EXD3: variants seen among roughly 807,000 people sequenced by gnomAD.
EXD3 encodes the protein exonuclease 3'-5' domain containing 3, also known as exonuclease mut-7 homolog.
EXD3 carries 92 observed loss-of-function variants against 98.0 expected under a neutral mutation model. The observed-to-expected ratio is 0.94, with a 90% CI of 0.79 to 1.12. The LOEUF (loss-of-function observed/expected upper bound fraction) is 1.12. Ranked by LOEUF, EXD3 falls within the 50% of genes most tolerant of loss-of-function variation. The pLI is 0.00. For synonymous variants in EXD3, 569 were observed against 526.0 expected (o/e 1.08, Z -1.12); for missense variants, 1,222 against 1,191.6 (o/e 1.03, Z -0.38).
chr9:137,366,416 C>T, intron 7 of EXD3, 77 bp downstream of exon 7: 1 of 1,518,522 alleles, frequency 6.6e-7, no homozygotes, highest in Non-Finnish European at 8.9e-7. Context: ...CGCCTGCTGC[C>T]CCCCTACACT....
In EXD3 at chr9:137,382,342, T is replaced by C. The variant is rs114236474; in HGVS notation, c.120+971A>G. On this transcript the variant is annotated intron_variant, in intron 3 of 21. Coordinates refer to ENST00000340951, the MANE Select transcript of EXD3 (RefSeq NM_017820.5). ...AGACGCCAGGACGAATGTCAGGACA[T>C]AGGGAGGAAAGGACAGTGGAATCCC... Among the ~76,000 whole-genome samples the C allele has an allele frequency of 8.6e-3, 1,228 of 142,436 alleles. 19 individuals are homozygous for C. Among genetic ancestry groups the C allele is most frequent in the African/African-American group, 0.029 (1,106 of 37,668 alleles). 93.4% of individuals were successfully genotyped at this position (142,436 alleles called of 152,430 possible).
intron 17 of EXD3, among the ~76,000 whole-genome samples, chr9:137,331,697 CTT>C (rs1374690713): frequency 2.0e-5 from 3 of 152,256 alleles, no homozygotes; most frequent in East Asian, 1.9e-4. Context: ...GGGTGGCTCA[CTT>C]GAGATCAGGA....
chr9:137,356,363 TA>T lies in EXD3; in HGVS notation c.661del (p.Tyr221ThrfsTer4). 6.3e-7 allele frequency: 1 copy of T among 1,596,494 alleles called. No homozygotes were observed. The highest frequency in any genetic ancestry group is 2.3e-5 in the East Asian group (1 of 44,380). On this transcript the variant is annotated frameshift_variant, in exon 8 of 22. Transcript: ENST00000340951. LOFTEE classifies it high-confidence loss of function. ...CAGGCTCAAGGAGGTCACCTCAGGG[TA>T]CCGTCTGTGGGGAGAGAGAGGCACA... The part of the protein sequence containing the change: ...GFDIKDVARR[Y>X]PEVTSLSLEK...
chr9:137,369,497 G>A (rs976228684), intron 5 of EXD3, among the ~76,000 whole-genome samples: 2 of 152,200 alleles, frequency 1.3e-5, no homozygotes, highest in Non-Finnish European at 2.9e-5. Flanking sequence ...ATGGGGCTGC[G>A]CCCGGCACCT....
intron 8 of EXD3, among the ~76,000 whole-genome samples, chr9:137,355,858 G>T (rs990262817): frequency 2.0e-5 from 3 of 152,178 alleles, no homozygotes; most frequent in African/African-American, 4.8e-5. Context: ...CTTGCAGGGG[G>T]TCCTGGGAGC....
At position 137,324,336 on chromosome 9, in the gene EXD3, T is replaced by C. The variant is rs895926543; in HGVS notation, c.1999-193A>G. 5.9e-5 allele frequency among the ~76,000 whole-genome samples: 9 copies of C among 152,180 alleles called. No individual in the cohort carries two copies. Among genetic ancestry groups the C allele is most frequent in the Non-Finnish European group, 1.5e-5 (1 of 68,038 alleles). ...CCGGGTCCTGGGTGTCGCCTCATTGTATAGATTTAATCTTGGCACCACGCA... is the reference window on the plus strand; with the variant it reads ...CCGGGTCCTGGGTGTCGCCTCATTGCATAGATTTAATCTTGGCACCACGCA... On this transcript the variant is annotated intron_variant, in intron 17 of 21. Coordinates refer to ENST00000340951, the MANE Select transcript of EXD3 (RefSeq NM_017820.5). The surrounding 1 kb of genome is among the most constrained non-coding windows in gnomAD (Gnocchi z 4.1).
chr9:137,360,298 A>C lies in EXD3; in HGVS notation c.657-3930T>G, dbSNP rs1834959708. ...GGTTTTTTGCTTAAAAATACTCTGGATACAGTCTTTTGTAAAATATGTACT... is the reference window on the plus strand; with the variant it reads ...GGTTTTTTGCTTAAAAATACTCTGGCTACAGTCTTTTGTAAAATATGTACT... On this transcript the variant is annotated intron_variant, in intron 7 of 21. Coordinates refer to ENST00000340951, the MANE Select transcript of EXD3 (RefSeq NM_017820.5). Among the ~76,000 whole-genome samples the C allele has an allele frequency of 2.3e-5, 2 of 85,578 alleles. 1 individual carries two copies. The highest frequency in any genetic ancestry group is 6.5e-5 in the African/African-American group (2 of 30,862). The allele number at this position is 85,578 out of a possible 152,430, so 56.1% of individuals were successfully genotyped here. A position where few individuals can be genotyped will look rare whatever the true frequency, so the allele number is the denominator to read the frequency against.
chr9:137,330,603 A>AG (rs139044502), intron 17 of EXD3, among the ~76,000 whole-genome samples: 6 of 129,384 alleles, frequency 4.6e-5, no homozygotes, highest in South Asian at 2.7e-4. Context: ...ACTACACAGG[A>AG]CTACACAGGA....
At chr9:137,307,396 TA>T in intron 21 of EXD3, 133 bp from the exon 22 acceptor site, 1 of 1,362,798 alleles carries the variant, frequency 7.3e-7, no homozygotes, top group Non-Finnish European at 9.7e-7. Flanking sequence ...TTCTGCTCCC[TA>T]TCCGCTGACT....
chr9:137,309,120 A>T (rs1052498220), intron 20 of EXD3, among the ~76,000 whole-genome samples: 1 of 152,150 alleles, frequency 6.6e-6, no homozygotes, highest in Non-Finnish European at 1.5e-5. Flanking sequence ...CCCCGTGCAG[A>T]TCTAAAACTG....
At chr9:137,314,417 C>T (rs1188584107) in intron 19 of EXD3, among the ~76,000 whole-genome samples, 2 of 152,176 alleles carry the variant, frequency 1.3e-5, no homozygotes, top group Admixed American at 1.3e-4. Flanking sequence ...AGCCCCTGGC[C>T]CCTGGGGAGG....
Position 137,354,340 on chromosome 9 carries a change from T to C in EXD3, c.869A>G (p.Gln290Arg). The change falls in exon 10 of 22, where the codon CAG (glutamine) becomes CGG (arginine). Residue 290 changes from glutamine to arginine, a missense_variant and splice_region_variant. Coordinates refer to ENST00000340951, the MANE Select transcript of EXD3 (RefSeq NM_017820.5). The stretch of plus-strand genomic sequence containing the variant: ...TTACAGGCAAGGGCACGAACTCACC[T>C]GCACATGGTCGGTCCAGTTCTCCTG... ...LSQENWTDHVQGLVGQSPWLQ... is the reference protein window; with the variant it reads ...LSQENWTDHVRGLVGQSPWLQ... The C allele has an allele frequency of 6.2e-7, 1 of 1,612,360 alleles. No individual in the cohort carries two copies. The highest frequency in any genetic ancestry group is 8.5e-7 in the Non-Finnish European group (1 of 1,179,714).
At chr9:137,355,469 G>GAAGGAGGAAGGAGGAAGGAGA (rs1564508093) in intron 8 of EXD3, among the ~76,000 whole-genome samples, 7 of 116,942 alleles carry the variant, frequency 6.0e-5, no homozygotes, top group Non-Finnish European at 1.0e-4. Context: ...GAGAAAGGAG[G>GAAGGAGGAAGGAGGAAGGAGA]AAGGAGGAAG....
At chr9:137,369,697 C>T (rs902116669) in intron 5 of EXD3, among the ~76,000 whole-genome samples, 12 of 152,334 alleles carry the variant, frequency 7.9e-5, no homozygotes, top group East Asian at 7.7e-4. Flanking sequence ...CCAAGAAGGC[C>T]GCCTCAGGCT....
chr9:137,392,609 T>G, intron 2 of EXD3: 1 of 288,198 alleles, frequency 3.5e-6, no homozygotes, highest in Non-Finnish European at 6.8e-6. Flanking sequence ...ACGAACCATG[T>G]AAGGGCAGAT....
rs117457869 is a variant in EXD3 at position 137,409,135 on chromosome 9, C to A, written c.-47-13731G>T. On this transcript the variant is annotated intron_variant, in intron 1 of 21. Transcript: ENST00000340951. ...ATCCTGCCCCACTGGAGGGATTAAT[C>A]CATTCATGGATTCCTGGGTTATCAC... Among the ~76,000 whole-genome samples, 511 of 152,320 alleles carry A rather than the reference C, an allele frequency of 3.4e-3. 17 individuals are homozygous for A. In the East Asian group the frequency reaches 0.075, roughly 22 times the overall value.
At chr9:137,344,742 T>C (rs144094004) in intron 17 of EXD3, among the ~76,000 whole-genome samples, 7 of 149,708 alleles carry the variant, frequency 4.7e-5, no homozygotes, top group African/African-American at 1.8e-4. Context: ...TCACATTCTA[T>C]CATAAGCAGC....
chr9:137,330,038 C>T (rs1368799919), intron 17 of EXD3, among the ~76,000 whole-genome samples: 1 of 139,756 alleles, frequency 7.2e-6, no homozygotes, highest in African/African-American at 2.8e-5. Context: ...CAGGACTACA[C>T]CGGAGCTACA....
chr9:137,328,591 ACTACAC>A (rs2119126612), intron 17 of EXD3, among the ~76,000 whole-genome samples: 1 of 19,284 alleles, frequency 5.2e-5, no homozygotes. Context: ...GCTACACGGG[ACTACAC>A]GGGACTACAC....
Sources: allele counts gnomAD v4.1 joint callset (sites outside exome capture counted in the v4.1 genomes callset), GRCh38; gene constraint gnomAD v4.1.1; non-coding constraint Gnocchi (gnomAD v3.1); transcripts MANE v1.5; gene names NCBI Gene and HGNC (gene_info 2026-07-23, HGNC 2026-07-21).